ELK3: variants seen among roughly 807,000 people sequenced by gnomAD.
ELK3 encodes ETS transcription factor ELK3.
ELK3 carries 10 observed loss-of-function variants against 28.9 expected under a neutral mutation model. That is an observed-to-expected ratio of 0.35 (90% confidence interval 0.21 to 0.59). ELK3 has a LOEUF of 0.59. Among genes scored for constraint, ELK3 ranks in the 20% least tolerant of loss-of-function variants. The pLI, the probability that ELK3 is intolerant of heterozygous loss-of-function variation, is 0.82. For synonymous variants in ELK3, 272 were observed against 243.5 expected (o/e 1.12, Z -1.09); for missense variants, 463 against 517.3 (o/e 0.90, Z 1.02).
At chr12:96,227,807 C>G (rs755526555) in intron 2 of ELK3, among the ~76,000 whole-genome samples, 15 of 152,206 alleles carry the variant, frequency 9.9e-5, no homozygotes, top group Non-Finnish European at 1.5e-4. Context: ...GTTGCCTAAT[C>G]TCTCTGAGTC....
At chr12:96,238,901 C>G (rs148936373) in intron 2 of ELK3, among the ~76,000 whole-genome samples, 1 of 152,158 alleles carries the variant, frequency 6.6e-6, no homozygotes, top group South Asian at 2.1e-4. Context: ...TTGGCCCTGT[C>G]GGATTTACTT....
chr12:96,199,523 T>G (rs977586835), intron 1 of ELK3, among the ~76,000 whole-genome samples: 9 of 151,126 alleles, frequency 6.0e-5, no homozygotes, highest in African/African-American at 2.0e-4. Context: ...TGACCTTCTG[T>G]GAAATTCTAA....
Position 96,222,093 on chromosome 12 carries a change from G to C in ELK3, c.-2-1472G>C, listed in dbSNP as rs888312899. Among the ~76,000 whole-genome samples, 4 of 152,054 alleles carry C rather than the reference G, an allele frequency of 2.6e-5. No homozygotes were observed. In the East Asian group the frequency reaches 7.7e-4, roughly 29 times the overall value. The stretch of plus-strand genomic sequence containing the variant: ...CTGTGCCACTCACAACAGTTGATCC[G>C]TGGCAAAGCTTTTGAGGCCAGTCTA... On this transcript the variant is annotated intron_variant, in intron 1 of 4. Coordinates refer to ENST00000228741, the MANE Select transcript of ELK3 (RefSeq NM_005230.4).
chr12:96,235,148 C>G (rs1242785929), intron 2 of ELK3, among the ~76,000 whole-genome samples: 1 of 151,976 alleles, frequency 6.6e-6, no homozygotes. Flanking sequence ...AGGAAGGAGT[C>G]CAAACTCCCT....
chr12:96,223,781 C>G lies in ELK3; in HGVS notation c.207+8C>G. ...CGATACTATTATGACAAGGTAAACC[C>G]TTGACCTTGCATGGGGCCGTCTTGG... is the stretch of plus-strand genomic sequence containing the variant. On this transcript the variant is annotated splice_region_variant and intron_variant, in intron 2 of 4. Transcript: ENST00000228741. 6.2e-7 allele frequency: 1 copy of G among 1,613,696 alleles called. No individual in the cohort carries two copies.
chr12:96,226,783 CTT>C (rs1299008025), intron 2 of ELK3, among the ~76,000 whole-genome samples: 11 of 151,682 alleles, frequency 7.3e-5, no homozygotes, highest in African/African-American at 2.4e-4. Flanking sequence ...AAGTTAGACT[CTT>C]AATACAGTTT....
At chr12:96,238,664 C>T (rs1013706877) in intron 2 of ELK3, among the ~76,000 whole-genome samples, 1 of 152,226 alleles carries the variant, frequency 6.6e-6, no homozygotes, top group Non-Finnish European at 1.5e-5. Context: ...TCCCCCGTGC[C>T]TCATGTTAGG....
rs373001989 is a variant in ELK3 at position 96,231,457 on chromosome 12, A to G, written c.207+7684A>G. 5.0e-4 allele frequency among the ~76,000 whole-genome samples: 76 copies of G among 152,316 alleles called. 1 individual carries two copies. Among genetic ancestry groups the G allele is most frequent in the African/African-American group, 1.8e-3 (74 of 41,580 alleles). On this transcript the variant is annotated intron_variant, in intron 2 of 4. Coordinates refer to ENST00000228741, the MANE Select transcript of ELK3 (RefSeq NM_005230.4). ...TATGGGTCAAGCCTGAGGGGCAGGAATTCCTGCTGGGATTCACAGCATTCA... is the reference window on the plus strand; with the variant it reads ...TATGGGTCAAGCCTGAGGGGCAGGAGTTCCTGCTGGGATTCACAGCATTCA...
intron 1 of ELK3, among the ~76,000 whole-genome samples, chr12:96,204,696 C>T (rs1407264541): frequency 2.0e-5 from 3 of 152,162 alleles, no homozygotes; most frequent in African/African-American, 4.8e-5. Flanking sequence ...CTGCTTGCAC[C>T]TGTAGGTTGT....
At chr12:96,217,971 C>G (rs940541222) in intron 1 of ELK3, among the ~76,000 whole-genome samples, 3 of 150,132 alleles carry the variant, frequency 2.0e-5, no homozygotes, top group African/African-American at 4.9e-5. Flanking sequence ...TTTGTCAACA[C>G]TGAGAACGAA....
chr12:96,222,041 C>T (rs978665719), intron 1 of ELK3, among the ~76,000 whole-genome samples: 8 of 152,156 alleles, frequency 5.3e-5, no homozygotes, highest in Non-Finnish European at 2.9e-5. Flanking sequence ...TGTCTCCCTC[C>T]TATCCAAGGG....
intron 1 of ELK3, among the ~76,000 whole-genome samples, chr12:96,215,092 T>G (rs1040054273): frequency 6.6e-6 from 1 of 151,918 alleles, no homozygotes; most frequent in Non-Finnish European, 1.5e-5. Flanking sequence ...CTCCTTTTCT[T>G]GGGCTCTCAT....
chr12:96,250,793 T>TTTGC (rs1374096003), intron 3 of ELK3, among the ~76,000 whole-genome samples: 2 of 152,288 alleles, frequency 1.3e-5, no homozygotes, highest in Admixed American at 6.5e-5. Context: ...GGCTGTCAGC[T>TTTGC]TTGCTTAGTG....
chr12:96,244,941 G>C (rs537039435), intron 2 of ELK3, among the ~76,000 whole-genome samples: 1 of 152,160 alleles, frequency 6.6e-6, no homozygotes, highest in Non-Finnish European at 1.5e-5. Context: ...GTTCAGCTTC[G>C]AGTAGCAGCG....
chr12:96,237,567 C>T (rs1951793227), intron 2 of ELK3, among the ~76,000 whole-genome samples: 2 of 152,258 alleles, frequency 1.3e-5, no homozygotes, highest in Admixed American at 6.5e-5. Context: ...GGCTTCACTC[C>T]TTCTCCATTC....
intron 2 of ELK3, among the ~76,000 whole-genome samples, chr12:96,233,062 T>C (rs1951754990): frequency 6.6e-6 from 1 of 152,192 alleles, no homozygotes; most frequent in Non-Finnish European, 1.5e-5. Flanking sequence ...GCATGGATCA[T>C]TTTACACCCA....
intron 1 of ELK3, among the ~76,000 whole-genome samples, chr12:96,221,207 A>G (rs545138739): frequency 1.3e-5 from 2 of 152,366 alleles, no homozygotes; most frequent in South Asian, 2.1e-4. Flanking sequence ...ATGGGTTCTC[A>G]TAAGTCATGC....
At chr12:96,245,369 G>C (rs965572638) in intron 2 of ELK3, among the ~76,000 whole-genome samples, 1 of 152,144 alleles carries the variant, frequency 6.6e-6, no homozygotes, top group African/African-American at 2.4e-5. Context: ...TTACGCTTTA[G>C]AATCTGTCGA....
chr12:96,254,632 G>C (rs1344185085), intron 3 of ELK3, among the ~76,000 whole-genome samples: 1 of 151,958 alleles, frequency 6.6e-6, no homozygotes, highest in East Asian at 1.9e-4. Flanking sequence ...TGCTGTGTTT[G>C]GAGCTGGGGC....
Sources: allele counts gnomAD v4.1 joint callset (sites outside exome capture counted in the v4.1 genomes callset), GRCh38; gene constraint gnomAD v4.1.1; transcripts MANE v1.5; gene names NCBI Gene and HGNC (gene_info 2026-07-23, HGNC 2026-07-21).